TBC1D1: variants seen among roughly 807,000 people sequenced by gnomAD.
The protein encoded by TBC1D1 is TBC1 domain family member 1, also known as TBC1 (tre-2/USP6, BUB2, cdc16) domain family, member 1.
A neutral mutation model predicts 125.6 loss-of-function variants in TBC1D1; 89 were observed. That is an observed-to-expected ratio of 0.71 (90% confidence interval 0.60 to 0.85). The LOEUF (loss-of-function observed/expected upper bound fraction) is 0.85, where lower values mean the gene tolerates loss of function less well. Among genes scored for constraint, TBC1D1 ranks in the 40% least tolerant of loss-of-function variants. TBC1D1 has a pLI of 0.00. For missense variants in TBC1D1, 1,377 were observed against 1,469.2 expected (o/e 0.94, Z 1.03); for synonymous variants, 565 against 564.1 (o/e 1.00, Z -0.02).
At chr4:37,910,604 G>T (rs537898295) in intron 2 of TBC1D1, among the ~76,000 whole-genome samples, 140 of 152,102 alleles carry the variant, frequency 9.2e-4, no homozygotes, top group African/African-American at 3.2e-3. Context: ...TAAAACAATT[G>T]AACTCATGGA....
intron 2 of TBC1D1, among the ~76,000 whole-genome samples, chr4:38,010,643 C>G (rs1330975350): frequency 1.3e-5 from 2 of 152,254 alleles, no homozygotes; most frequent in African/African-American, 4.8e-5. Context: ...AAGCCTAAGC[C>G]AGAGCCCTGG....
chr4:38,080,312 C>A (rs1040778123), intron 12 of TBC1D1, among the ~76,000 whole-genome samples: 1 of 152,142 alleles, frequency 6.6e-6, no homozygotes, highest in East Asian at 1.9e-4. Flanking sequence ...AAAAAATCCA[C>A]GTGGATGAGA....
chr4:38,075,151 C>T (rs1275929560), intron 12 of TBC1D1, among the ~76,000 whole-genome samples: 1 of 152,190 alleles, frequency 6.6e-6, no homozygotes. Context: ...AATTTGCTTA[C>T]CACAAAAACA....
At chr4:38,063,953 C>T (rs967741020) in intron 12 of TBC1D1, among the ~76,000 whole-genome samples, 16 of 152,136 alleles carry the variant, frequency 1.1e-4, no homozygotes, top group Non-Finnish European at 2.2e-4. Flanking sequence ...ATTTTTTGTC[C>T]CCCTAGAAAA....
chr4:38,115,726 A>G lies in TBC1D1; in HGVS notation c.2574A>G (p.Thr858=). ...TTTTCACAGGGCGAACCTTTCCTAC[A>G]CACCCATACTTCTCTGCCCAGCTTG... The change falls in exon 16 of 20, where the codon ACA becomes ACG. Residue 858 remains threonine (T), a synonymous_variant. Coordinates refer to ENST00000261439, the MANE Select transcript of TBC1D1 (RefSeq NM_015173.4). 1 of 1,613,968 alleles carries G rather than the reference A, an allele frequency of 6.2e-7. No individual in the cohort carries two copies. The highest frequency in any genetic ancestry group is 1.1e-5 in the South Asian group (1 of 91,060).
At chr4:38,107,003 C>T (rs1290620995) in intron 15 of TBC1D1, among the ~76,000 whole-genome samples, 2 of 150,050 alleles carry the variant, frequency 1.3e-5, no homozygotes, top group Admixed American at 6.6e-5. Flanking sequence ...ACAGTGCTGA[C>T]CCCCCTCTCT....
intron 1 of TBC1D1, among the ~76,000 whole-genome samples, chr4:37,894,149 C>T (rs1032721988): frequency 2.0e-5 from 3 of 151,974 alleles, no homozygotes; most frequent in Non-Finnish European, 2.9e-5. Context: ...CTACCACGGC[C>T]GGCTAAATTT....
At chr4:37,955,570 A>G (rs1271937987) in intron 2 of TBC1D1, among the ~76,000 whole-genome samples, 1 of 152,232 alleles carries the variant, frequency 6.6e-6, no homozygotes, top group Non-Finnish European at 1.5e-5. Flanking sequence ...ATGTCTGTAC[A>G]TGTTCAGTAC....
At chr4:38,079,521 C>G (rs541215859) in intron 12 of TBC1D1, among the ~76,000 whole-genome samples, 1 of 151,938 alleles carries the variant, frequency 6.6e-6, no homozygotes, top group Non-Finnish European at 1.5e-5. Context: ...ATCAGGAGTT[C>G]GACACCTGAC....
chr4:38,136,328 A>G (rs1766609300), intron 19 of TBC1D1, among the ~76,000 whole-genome samples: 1 of 152,168 alleles, frequency 6.6e-6, no homozygotes, highest in African/African-American at 2.4e-5. Context: ...GGTGGAAGAG[A>G]GGATATTGCT....
At position 37,935,058 on chromosome 4, in the gene TBC1D1, T is replaced by A. The variant is rs180706231; in HGVS notation, c.417+32546T>A. Among the ~76,000 whole-genome samples, 3 of 152,324 alleles carry A rather than the reference T, an allele frequency of 2.0e-5. No homozygotes were observed. In the East Asian group the frequency reaches 5.8e-4, roughly 29 times the overall value. Reference sequence around the variant, plus strand: ...ACCTGCACAGAAGGGAAGTGACACATGTCATTTCCACTCACATTTCATTGA... The same window carrying A: ...ACCTGCACAGAAGGGAAGTGACACAAGTCATTTCCACTCACATTTCATTGA... On this transcript the variant is annotated intron_variant, in intron 2 of 19. Transcript: ENST00000261439.
intron 11 of TBC1D1, among the ~76,000 whole-genome samples, chr4:38,050,656 G>T (rs1179986425): frequency 6.6e-6 from 1 of 152,216 alleles, no homozygotes; most frequent in Non-Finnish European, 1.5e-5. Context: ...CACCTAATAT[G>T]AATCAAGGTC....
At chr4:38,017,238 A>G (rs961115577) in intron 3 of TBC1D1, among the ~76,000 whole-genome samples, 1 of 152,228 alleles carries the variant, frequency 6.6e-6, no homozygotes, top group Non-Finnish European at 1.5e-5. Context: ...GTGACTTCTA[A>G]AGAGACTAAA....
At position 38,067,022 on chromosome 4, in the gene TBC1D1, G is replaced by A. The variant is rs189767440; in HGVS notation, c.2050+12684G>A. On this transcript the variant is annotated intron_variant, in intron 12 of 19. Coordinates refer to ENST00000261439, the MANE Select transcript of TBC1D1 (RefSeq NM_015173.4). Reference sequence around the variant, plus strand: ...CTCCCGAGTAGCTGGGATTACAGGTGCGCACCACCACGCCCAGCTAATTTT... The same window carrying A: ...CTCCCGAGTAGCTGGGATTACAGGTACGCACCACCACGCCCAGCTAATTTT... 6.1e-4 allele frequency among the ~76,000 whole-genome samples: 93 copies of A among 152,130 alleles called. 2 individuals carry two copies. The East Asian group carries it at 0.017, about 28-fold the overall frequency.
chr4:38,026,621 A>G (rs1456323289), intron 6 of TBC1D1, among the ~76,000 whole-genome samples: 2 of 152,218 alleles, frequency 1.3e-5, no homozygotes, highest in Non-Finnish European at 2.9e-5. Flanking sequence ...TGCCCTTGGA[A>G]GAAAAATAAC....
At chr4:37,945,449 GT>G (rs1291412088) in intron 2 of TBC1D1, among the ~76,000 whole-genome samples, 5 of 142,400 alleles carry the variant, frequency 3.5e-5, no homozygotes, top group Non-Finnish European at 7.5e-5. Flanking sequence ...GGAGGCGGAG[GT>G]TGCAGTGAGC....
intron 2 of TBC1D1, among the ~76,000 whole-genome samples, chr4:37,964,713 C>G (rs966133695): frequency 6.6e-6 from 1 of 152,246 alleles, no homozygotes; most frequent in Non-Finnish European, 1.5e-5. Context: ...GAGAAGGGCC[C>G]TGCTGCCTCA....
chr4:37,976,198 T>G (rs377766115), intron 2 of TBC1D1, among the ~76,000 whole-genome samples: 4 of 152,226 alleles, frequency 2.6e-5, no homozygotes, highest in Admixed American at 6.5e-5. Flanking sequence ...ACAGAGGCCC[T>G]GAGTCCAGCA....
At chr4:37,950,161 A>G (rs1339055351) in intron 2 of TBC1D1, among the ~76,000 whole-genome samples, 1 of 152,200 alleles carries the variant, frequency 6.6e-6, no homozygotes, top group Non-Finnish European at 1.5e-5. Context: ...GAGAATATGC[A>G]TATGAAGAGA....
Sources: gnomAD v4.1 joint callset for allele counts (sites outside exome capture counted in the v4.1 genomes callset) on GRCh38, gnomAD v4.1.1 for gene constraint, MANE v1.5 for transcripts, NCBI Gene and HGNC (gene_info 2026-07-23, HGNC 2026-07-21) for gene names.